The following SDK2 variants were observed in gnomAD, a reference collection of about 807,000 sequenced individuals.
The protein encoded by SDK2 is sidekick cell adhesion molecule 2.
A neutral mutation model predicts 253.9 loss-of-function variants in SDK2; 105 were observed. The ratio of observed to expected loss-of-function variants is 0.41; its 90% CI spans 0.35 to 0.49. SDK2 has a LOEUF of 0.49. Among genes scored for constraint, SDK2 ranks in the 20% least tolerant of loss-of-function variants. The probability of loss-of-function intolerance (pLI) is 0.06; values close to 1 mark genes in which losing one functional copy is unlikely to be tolerated. For missense variants in SDK2, 2,608 were observed against 3,003.0 expected, an observed-to-expected ratio of 0.87 and a Z score of 3.07; for synonymous variants, 1,249 against 1,234.9, an observed-to-expected ratio of 1.01 and a Z score of -0.24.
chr17:73,620,198 CAA>C (rs111772920), intron 1 of SDK2, among the ~76,000 whole-genome samples: 41 of 122,002 alleles, frequency 3.4e-4, no homozygotes, highest in Admixed American at 6.9e-4. Flanking sequence ...GATCCTGTCT[CAA>C]AAAAAAAAAA....
At chr17:73,356,237 C>T (rs939558616) in intron 40 of SDK2, among the ~76,000 whole-genome samples, 3 of 152,152 alleles carry the variant, frequency 2.0e-5, no homozygotes, top group African/African-American at 4.8e-5. Context: ...TCATTGAGGC[C>T]CCTGCTGCTG....
intron 2 of SDK2, among the ~76,000 whole-genome samples, chr17:73,485,892 G>C (rs370912641): frequency 1.6e-4 from 25 of 152,302 alleles, no homozygotes; most frequent in African/African-American, 5.5e-4. Flanking sequence ...CCAACCCCTG[G>C]TGCAAAATAG....
At chr17:73,522,635 C>T (rs2064091151) in intron 1 of SDK2, among the ~76,000 whole-genome samples, 1 of 152,192 alleles carries the variant, frequency 6.6e-6, no homozygotes, top group Non-Finnish European at 1.5e-5. Flanking sequence ...GGTTATCCAT[C>T]CAGGGAGGTC....
In SDK2 at chr17:73,394,254, G is replaced by A. The variant is rs1353497802; in HGVS notation, c.3663C>T (p.Ser1221=). 23 of 1,601,544 alleles carry A rather than the reference G, an allele frequency of 1.4e-5. No homozygotes were observed. Among genetic ancestry groups the A allele is most frequent in the Non-Finnish European group, 1.5e-5 (18 of 1,171,834 alleles). ...CGTTGCGATCAGCCTCGGGGACCTC[G>A]CTCCAGCGCACCAGCATGCTGCTGG... The part of the protein sequence containing the change: ...TTSSSMLVRW[S]EVPEADRNGL... The change falls in exon 26 of 45, where the codon AGC becomes AGT. Residue 1221 remains serine, a synonymous_variant. Coordinates refer to ENST00000392650, the MANE Select transcript of SDK2 (RefSeq NM_001144952.2).
intron 1 of SDK2, among the ~76,000 whole-genome samples, chr17:73,605,322 G>A (rs1340847566): frequency 1.3e-5 from 2 of 152,152 alleles, no homozygotes; most frequent in Admixed American, 1.3e-4. Flanking sequence ...GAGAGAGGAT[G>A]GAGGTCCAGG....
Position 73,447,541 on chromosome 17 carries a change from A to G in SDK2, c.613+74T>C, listed in dbSNP as rs1369264023. The G allele has an allele frequency of 5.2e-6, 8 of 1,531,606 alleles. No individual in the cohort carries two copies. The highest frequency in any genetic ancestry group is 6.2e-6 in the Non-Finnish European group (7 of 1,132,002). The allele number at this position is 1,531,606 out of a possible 1,614,324, so 94.9% of individuals were successfully genotyped here. On this transcript the variant is annotated intron_variant, in intron 5 of 44. Coordinates refer to ENST00000392650, the MANE Select transcript of SDK2 (RefSeq NM_001144952.2). The surrounding 1 kb of genome is among the most constrained non-coding windows in gnomAD (Gnocchi z 4.0). The stretch of plus-strand genomic sequence containing the variant: ...CCTCCTCTGCCACTCCATCTTCCCA[A>G]TGATCCCCTGGAGCACCATTGCTAA...
At position 73,429,993 on chromosome 17, in the gene SDK2, C is replaced by T. The variant is rs1176509265; in HGVS notation, c.1583+518G>A. On this transcript the variant is annotated intron_variant, in intron 12 of 44. Transcript: ENST00000392650. ...TGGTGGGGTGACCTCGGTTTGGAGGCTCAGTTTCCCACATGTGCTTCTCTT... is the reference window on the plus strand; with the variant it reads ...TGGTGGGGTGACCTCGGTTTGGAGGTTCAGTTTCCCACATGTGCTTCTCTT... Among the ~76,000 whole-genome samples the T allele has an allele frequency of 3.3e-5, 5 of 152,178 alleles. No homozygotes were observed. In the East Asian group the frequency reaches 9.7e-4, roughly 29 times the overall value.
At chr17:73,611,923 G>A (rs1001864572) in intron 1 of SDK2, among the ~76,000 whole-genome samples, 3 of 152,104 alleles carry the variant, frequency 2.0e-5, no homozygotes, top group Admixed American at 6.5e-5. Context: ...CCAACTCTGC[G>A]TGGGGAAGGG....
At chr17:73,440,032 G>A (rs925264360) in intron 6 of SDK2, among the ~76,000 whole-genome samples, 1 of 152,018 alleles carries the variant, frequency 6.6e-6, no homozygotes, top group African/African-American at 2.4e-5. Flanking sequence ...GTGTGGGAGA[G>A]GTGAGGGCCG....
chr17:73,539,945 A>G lies in SDK2; in HGVS notation c.65-32348T>C, dbSNP rs12602941. Among the ~76,000 whole-genome samples the G allele has an allele frequency of 3.5e-3, 506 of 145,050 alleles. 1 individual carries two copies. The highest frequency in any genetic ancestry group is 6.1e-3 in the Non-Finnish European group (401 of 65,960). On this transcript the variant is annotated intron_variant, in intron 1 of 44. Transcript: ENST00000392650. The stretch of plus-strand genomic sequence containing the variant: ...GTGGGCCACGGTACCCAGGATGGGC[A>G]GCCCCCACCAGAGACGGGGTCATGC...
intron 1 of SDK2, among the ~76,000 whole-genome samples, chr17:73,531,454 C>T (rs773422409): frequency 2.0e-5 from 3 of 152,154 alleles, no homozygotes; most frequent in Non-Finnish European, 4.4e-5. Flanking sequence ...TGTTCCAGCT[C>T]TGGTGCATAA....
intron 1 of SDK2, among the ~76,000 whole-genome samples, chr17:73,552,669 G>A (rs150790598): frequency 1.3e-3 from 191 of 152,330 alleles, no homozygotes; most frequent in African/African-American, 4.2e-3. Flanking sequence ...CACTTGGCAG[G>A]ATACGGGGGA....
intron 12 of SDK2, among the ~76,000 whole-genome samples, chr17:73,426,005 A>G (rs1445279164): frequency 6.6e-6 from 1 of 151,994 alleles, no homozygotes; most frequent in Non-Finnish European, 1.5e-5. Flanking sequence ...ATTTACATGA[A>G]TGGTATACAG....
chr17:73,399,943 C>T (rs946788943), intron 21 of SDK2, among the ~76,000 whole-genome samples: 1 of 152,216 alleles, frequency 6.6e-6, no homozygotes, highest in African/African-American at 2.4e-5. Context: ...AATAGCAACA[C>T]CTCCCTCAGG....
intron 40 of SDK2, among the ~76,000 whole-genome samples, chr17:73,355,322 C>A (rs1249796953): frequency 2.7e-5 from 4 of 149,830 alleles, no homozygotes; most frequent in Non-Finnish European, 5.9e-5. Flanking sequence ...GGATTATAGG[C>A]ACCCGCCACC....
At chr17:73,438,531 C>T (rs565566151) in intron 6 of SDK2, among the ~76,000 whole-genome samples, 136 of 152,194 alleles carry the variant, frequency 8.9e-4, no homozygotes, top group Non-Finnish European at 1.4e-3. Context: ...TGTGCCCCAT[C>T]TGACCACAGA....
At position 73,368,489 on chromosome 17, in the gene SDK2, G is replaced by C. The variant is rs146100082; in HGVS notation, c.5085C>G (p.Ala1695=). The part of the protein sequence containing the change: ...VKLKNLTGYT[A]YMVSVAAFNA... The stretch of plus-strand genomic sequence containing the variant: ...TGAAGGCGGCCACGCTGACCATGTA[G>C]GCCGTGTAGCCAGTCAAGTTCTTGA... Residue 1695 remains alanine (A), a synonymous_variant, in exon 37 of 45, where the codon GCC becomes GCG. Transcript: ENST00000392650. 106 of 1,610,768 alleles carry C rather than the reference G, an allele frequency of 6.6e-5. No individual in the cohort carries two copies. The African/African-American group carries it at 1.1e-3, about 17-fold the overall frequency.
At chr17:73,494,752 T>A (rs1700831064) in intron 2 of SDK2, among the ~76,000 whole-genome samples, 1 of 152,166 alleles carries the variant, frequency 6.6e-6, no homozygotes, top group Non-Finnish European at 1.5e-5. Context: ...TCCCTGCTAC[T>A]GACTAGCAAA....
chr17:73,419,730 C>CAA (rs1335442338), intron 15 of SDK2, among the ~76,000 whole-genome samples: 387 of 25,832 alleles, frequency 0.015, 56 homozygotes, highest in Non-Finnish European at 0.02. Context: ...AAAAAAAACC[C>CAA]AAAAAAACTC....
Sources: allele counts gnomAD v4.1 joint callset (sites outside exome capture counted in the v4.1 genomes callset), GRCh38; gene constraint gnomAD v4.1.1; non-coding constraint Gnocchi (gnomAD v3.1); transcripts MANE v1.5; gene names NCBI Gene and HGNC (gene_info 2026-07-23, HGNC 2026-07-21).